The following RUNX1T1 variants were observed in gnomAD, a reference collection of about 807,000 sequenced individuals.
RUNX1T1 encodes the protein RUNX1 partner transcriptional co-repressor 1.
In RUNX1T1, 4 loss-of-function variants were observed where a neutral mutation model predicts 62.8. The observed-to-expected ratio is 0.06, with a 90% CI of 0.03 to 0.15. RUNX1T1 has a LOEUF of 0.15. Ranked by LOEUF, RUNX1T1 falls within the 10% of genes least tolerant of loss-of-function variation. RUNX1T1 has a pLI of 1.00. For missense variants in RUNX1T1, 508 were observed against 754.3 expected (o/e 0.67, Z 3.82); for synonymous variants, 291 against 286.0 (o/e 1.02, Z -0.18).
Position 91,990,907 on chromosome 8 carries a change from T to C in RUNX1T1, c.910+732A>G, listed in dbSNP as rs143333977. On this transcript the variant is annotated intron_variant, in intron 6 of 10. Coordinates refer to ENST00000396218, the Ensembl canonical transcript of RUNX1T1. ...TTCTGAGCTCAAACTCATCTATCTG[T>C]GTCAGCCTCCCAAAGTGCTGGGATT... Among the ~76,000 whole-genome samples the C allele has an allele frequency of 4.2e-3, 640 of 152,214 alleles. 8 individuals are homozygous for C. Among genetic ancestry groups the C allele is most frequent in the Non-Finnish European group, 2.9e-3 (194 of 68,008 alleles).
intron 1 of RUNX1T1, among the ~76,000 whole-genome samples, chr8:92,032,972 G>GT (rs1826544181): frequency 6.6e-6 from 1 of 152,032 alleles, no homozygotes; most frequent in Admixed American, 6.6e-5. Flanking sequence ...CAAAATGATA[G>GT]TTTTTTAATT....
intron 1 of RUNX1T1, among the ~76,000 whole-genome samples, chr8:92,018,261 C>T (rs979012805): frequency 6.6e-6 from 1 of 152,160 alleles, no homozygotes; most frequent in African/African-American, 2.4e-5. Context: ...ACCTTTTGAT[C>T]TGTTCAAAGC....
At chr8:92,012,293 A>G (rs768845895) in intron 3 of RUNX1T1, among the ~76,000 whole-genome samples, 22 of 152,170 alleles carry the variant, frequency 1.4e-4, no homozygotes, top group Non-Finnish European at 2.8e-4. Context: ...CTGTAATCCC[A>G]GTAGCTTTGG....
At chr8:91,990,165 C>T (rs1415018712) in intron 6 of RUNX1T1, among the ~76,000 whole-genome samples, 3 of 152,122 alleles carry the variant, frequency 2.0e-5, no homozygotes, top group Non-Finnish European at 2.9e-5. Flanking sequence ...CTCTCTCTGC[C>T]TGTGGCAAAA....
intron 2 of RUNX1T1, among the ~76,000 whole-genome samples, chr8:92,075,390 T>A (rs1284246045): frequency 6.6e-6 from 1 of 152,258 alleles, no homozygotes; most frequent in Non-Finnish European, 1.5e-5. Context: ...CAAATGGCAA[T>A]ACATTTAGTT....
chr8:91,992,034 G>A (rs1382488103), intron 5 of RUNX1T1, 145 bp from the exon 7 acceptor site: 10 of 846,002 alleles, frequency 1.2e-5, no homozygotes, highest in South Asian at 1.8e-5. Context: ...GAAAACATAC[G>A]GGAATTCACT....
chr8:92,063,083 C>T (rs1832335221), upstream of RUNX1T1: 2 of 449,192 alleles, frequency 4.5e-6, 1 homozygote, highest in South Asian at 1.9e-4. Flanking sequence ...TTTTCATAGC[C>T]ATAATTGGGA....
intron 1 of RUNX1T1, among the ~76,000 whole-genome samples, chr8:92,021,995 G>A (rs1392395091): frequency 1.3e-5 from 2 of 151,180 alleles, no homozygotes; most frequent in Non-Finnish European, 2.9e-5. Context: ...CCGAGCAACA[G>A]CCATATCACA....
intron 5 of RUNX1T1, among the ~76,000 whole-genome samples, chr8:92,000,051 A>T (rs913971594): frequency 2.0e-5 from 3 of 152,156 alleles, no homozygotes; most frequent in Non-Finnish European, 2.9e-5. Flanking sequence ...CATGCCTGTA[A>T]TCCCAGCACT....
intron 4 of RUNX1T1, chr8:92,009,761 T>C (rs889260600): frequency 6.6e-6 from 1 of 152,138 alleles, no homozygotes; most frequent in Non-Finnish European, 1.5e-5. Flanking sequence ...TGCTTTTAAA[T>C]AAGAATATAG....
intron 6 of RUNX1T1, 108 bp downstream of exon 7, chr8:91,991,531 A>G: frequency 8.3e-7 from 1 of 1,203,634 alleles, no homozygotes; most frequent in South Asian, 1.5e-5. Context: ...AGATATGAGA[A>G]TCTTCATCCC....
chr8:91,989,086 A>G (rs1817145754), intron 6 of RUNX1T1, among the ~76,000 whole-genome samples: 1 of 152,124 alleles, frequency 6.6e-6, no homozygotes, highest in Non-Finnish European at 1.5e-5. Flanking sequence ...ATTTGACACT[A>G]ATGTTGAGTC....
At chr8:91,959,569 C>T (rs1810017351) in exon 11 of RUNX1T1, 1 of 211,068 alleles carries the variant, frequency 4.7e-6, no homozygotes, top group Non-Finnish European at 9.7e-6. Context: ...TCATACATCC[C>T]ATTGCAAATC....
chr8:92,094,947 C>T (rs1045836263), intron 1 of RUNX1T1: 5 of 989,480 alleles, frequency 5.1e-6, no homozygotes, highest in Non-Finnish European at 7.5e-6. Flanking sequence ...TCTATTGTTC[C>T]CCCTTTATCG....
upstream of RUNX1T1, among the ~76,000 whole-genome samples, chr8:92,101,191 T>C (rs1211412769): frequency 6.6e-6 from 1 of 152,212 alleles, no homozygotes; most frequent in Admixed American, 6.5e-5. Context: ...GTAAAACACA[T>C]TTCAGTTCAC....
chr8:92,059,201 T>C (rs535702413), intron 1 of RUNX1T1, among the ~76,000 whole-genome samples: 4 of 152,314 alleles, frequency 2.6e-5, no homozygotes, highest in African/African-American at 7.2e-5. Context: ...CAAGGGTTGT[T>C]TGATACAGCA....
downstream of RUNX1T1, chr8:91,956,044 C>G: frequency 4.3e-6 from 1 of 230,406 alleles, no homozygotes; most frequent in Non-Finnish European, 8.6e-6. Context: ...GTCAGCTGAT[C>G]TGCCATTCGG....
At chr8:92,035,781 A>G (rs1301639514) in intron 1 of RUNX1T1, among the ~76,000 whole-genome samples, 1 of 152,046 alleles carries the variant, frequency 6.6e-6, no homozygotes, top group Non-Finnish European at 1.5e-5. Context: ...ATATATATAT[A>G]TATATATTCA....
In RUNX1T1 at chr8:92,017,512, G is replaced by A. The variant is rs1823253268; in HGVS notation, c.8-149C>T. Reference sequence around the variant, plus strand: ...ACTTATCTACTGACGTTTAAATCAGGATTTTATCATCCAAACCCCACTTAA... The same window carrying A: ...ACTTATCTACTGACGTTTAAATCAGAATTTTATCATCCAAACCCCACTTAA... On this transcript the variant is annotated intron_variant, in intron 1 of 10. Coordinates refer to ENST00000396218, the Ensembl canonical transcript of RUNX1T1. The A allele has an allele frequency of 7.2e-6, 11 of 1,526,802 alleles. No homozygotes were observed. In the South Asian group the frequency reaches 1.4e-4, roughly 19 times the overall value. The allele number at this position is 1,526,802 out of a possible 1,614,324, so 94.6% of individuals were successfully genotyped here.
Sources: allele counts gnomAD v4.1 joint callset (sites outside exome capture counted in the v4.1 genomes callset), GRCh38; gene constraint gnomAD v4.1.1; transcripts MANE v1.5; gene names NCBI Gene and HGNC (gene_info 2026-07-23, HGNC 2026-07-21).